Variants in CCDC60 observed in about 807,000 individuals in gnomAD.
The protein encoded by CCDC60 is coiled-coil domain-containing protein 60.
A neutral mutation model predicts 63.5 loss-of-function variants in CCDC60; 54 were observed. That is an observed-to-expected ratio of 0.85 (90% CI 0.68 to 1.07). The LOEUF (loss-of-function observed/expected upper bound fraction) is 1.07, where lower values mean the gene tolerates loss of function less well. Ranked by LOEUF, CCDC60 falls within the 50% of genes least tolerant of loss-of-function variation. The pLI is 0.00. For missense variants in CCDC60, 651 were observed against 684.3 expected (o/e 0.95, Z 0.54); for synonymous variants, 206 against 238.8 (o/e 0.86, Z 1.27).
intron 1 of CCDC60, among the ~76,000 whole-genome samples, chr12:119,350,296 C>G (rs751841634): frequency 5.9e-5 from 9 of 152,186 alleles, no homozygotes; most frequent in South Asian, 4.2e-4. Flanking sequence ...CTCCTGGGTT[C>G]AAGCATTTCT....
At chr12:119,443,552 C>T (rs888907521) in intron 2 of CCDC60, among the ~76,000 whole-genome samples, 1 of 152,160 alleles carries the variant, frequency 6.6e-6, no homozygotes, top group Non-Finnish European at 1.5e-5. Context: ...CCGCAACCTA[C>T]AAGAGTTCAA....
chr12:119,392,479 T>C (rs1956176676), intron 1 of CCDC60, among the ~76,000 whole-genome samples: 1 of 152,210 alleles, frequency 6.6e-6, no homozygotes, highest in African/African-American at 2.4e-5. Flanking sequence ...ATGGTGATAA[T>C]AATAGTAACA....
intron 10 of CCDC60, 90 bp downstream of exon 10, chr12:119,523,091 T>C (rs373047741): frequency 7.4e-5 from 86 of 1,164,486 alleles, no homozygotes; most frequent in East Asian, 4.7e-4. Context: ...AATGACCCAA[T>C]GCAGACCAGA....
At chr12:119,335,302 C>T (rs112793735) in intron 1 of CCDC60, 36 bp downstream of exon 1, 114,894 of 1,480,954 alleles carry the variant, frequency 0.078, 5,071 homozygotes, top group African/African-American at 0.16. Context: ...ATCATGTTTT[C>T]GAGAACAAGT....
intron 1 of CCDC60, among the ~76,000 whole-genome samples, chr12:119,380,365 C>T (rs1955995794): frequency 6.6e-6 from 1 of 152,180 alleles, no homozygotes; most frequent in African/African-American, 2.4e-5. Flanking sequence ...AATTGGCAAA[C>T]ACTGTAAATC....
intron 2 of CCDC60, among the ~76,000 whole-genome samples, chr12:119,431,688 T>TG (rs1950231460): frequency 6.6e-6 from 1 of 151,708 alleles, no homozygotes; most frequent in African/African-American, 2.4e-5. Context: ...TTTGTTTGTT[T>TG]TTTGTTTTGA....
At chr12:119,537,861 T>C (rs1157058476) in intron 13 of CCDC60, among the ~76,000 whole-genome samples, 1 of 152,208 alleles carries the variant, frequency 6.6e-6, no homozygotes, top group Non-Finnish European at 1.5e-5. Context: ...CCAGTGAAGC[T>C]ACATGGGGGT....
intron 2 of CCDC60, among the ~76,000 whole-genome samples, chr12:119,434,868 C>T (rs576898089): frequency 9.9e-5 from 15 of 152,078 alleles, no homozygotes; most frequent in East Asian, 3.9e-4. Context: ...TTGTAGGCTG[C>T]GATGAAAAGT....
At chr12:119,487,422 C>T (rs747933182) in intron 4 of CCDC60, among the ~76,000 whole-genome samples, 1 of 151,950 alleles carries the variant, frequency 6.6e-6, no homozygotes, top group Non-Finnish European at 1.5e-5. Context: ...CTTAGCCTCC[C>T]GAGTAGCTGG....
In CCDC60 at chr12:119,540,636, A is replaced by AT; in HGVS notation, c.1575dup (p.Met526TyrfsTer65). 1 of 1,613,948 alleles carries AT rather than the reference A, an allele frequency of 6.2e-7. No homozygotes were observed. The highest frequency in any genetic ancestry group is 1.3e-5 in the African/African-American group (1 of 75,050). On this transcript the variant is annotated frameshift_variant, in exon 14 of 14. Coordinates refer to ENST00000327554, the MANE Select transcript of CCDC60 (RefSeq NM_178499.5). LOFTEE classifies it low-confidence loss of function (END_TRUNC). ...CAGTTTGTGCGAGAACACATCATCCATATGCCTCAAGAGGATTACATCAGC... is the reference window on the plus strand; with the variant it reads ...CAGTTTGTGCGAGAACACATCATCCATTATGCCTCAAGAGGATTACATCAGC...
chr12:119,441,219 T>G (rs1950438449), intron 2 of CCDC60, among the ~76,000 whole-genome samples: 1 of 152,164 alleles, frequency 6.6e-6, no homozygotes, highest in Admixed American at 6.5e-5. Flanking sequence ...GCTGTGCAAA[T>G]GCAGCTGTTC....
At chr12:119,506,967 A>C (rs1952023379) in intron 7 of CCDC60, among the ~76,000 whole-genome samples, 1 of 152,114 alleles carries the variant, frequency 6.6e-6, no homozygotes, top group Non-Finnish European at 1.5e-5. Context: ...CTACCACAAA[A>C]TTCTTGACTC....
chr12:119,498,774 A>G (rs1951773676), intron 5 of CCDC60, among the ~76,000 whole-genome samples: 1 of 152,244 alleles, frequency 6.6e-6, no homozygotes, highest in African/African-American at 2.4e-5. Flanking sequence ...GAAAAGATAT[A>G]TATGGACAGA....
intron 1 of CCDC60, among the ~76,000 whole-genome samples, 168 bp downstream of exon 1, chr12:119,335,434 A>T (rs978485060): frequency 6.6e-6 from 1 of 151,248 alleles, no homozygotes; most frequent in African/African-American, 2.4e-5. Context: ...AAGTGTTCCT[A>T]TTTCTCCACA....
At chr12:119,486,994 A>G (rs1305114116) in intron 4 of CCDC60, among the ~76,000 whole-genome samples, 1 of 152,100 alleles carries the variant, frequency 6.6e-6, no homozygotes, top group Non-Finnish European at 1.5e-5. Context: ...TGTTAAGAGG[A>G]GAAATCTTGC....
intron 1 of CCDC60, among the ~76,000 whole-genome samples, chr12:119,371,029 C>G (rs1443753327): frequency 1.3e-5 from 2 of 152,112 alleles, no homozygotes; most frequent in African/African-American, 4.8e-5. Context: ...GAGACACTGT[C>G]TCTATTTTAA....
chr12:119,350,755 C>A (rs772051451), intron 1 of CCDC60, among the ~76,000 whole-genome samples: 2 of 152,078 alleles, frequency 1.3e-5, no homozygotes, highest in African/African-American at 4.8e-5. Context: ...CAGCTGTGCA[C>A]TCCCCTCAGA....
intron 1 of CCDC60, among the ~76,000 whole-genome samples, chr12:119,381,073 C>A (rs1956003623): frequency 6.6e-6 from 1 of 152,180 alleles, no homozygotes; most frequent in Admixed American, 6.5e-5. Flanking sequence ...GCAGACTTTG[C>A]CTGAATATGC....
At chr12:119,396,903 A>G (rs982681320) in intron 1 of CCDC60, among the ~76,000 whole-genome samples, 1 of 152,186 alleles carries the variant, frequency 6.6e-6, no homozygotes, top group African/African-American at 2.4e-5. Context: ...GGACCCTCGC[A>G]GTGGGTGTTA....
Sources: gnomAD v4.1 joint callset for allele counts (sites outside exome capture counted in the v4.1 genomes callset) on GRCh38, gnomAD v4.1.1 for gene constraint, MANE v1.5 for transcripts, NCBI Gene and HGNC (gene_info 2026-07-23, HGNC 2026-07-21) for gene names.